C1orf21: variants seen among roughly 807,000 people sequenced by gnomAD.
C1orf21 encodes the protein chromosome 1 open reading frame 21.
A neutral mutation model predicts 18.7 loss-of-function variants in C1orf21; 3 were observed. The ratio of observed to expected loss-of-function variants is 0.16; its 90% confidence interval spans 0.07 to 0.42. C1orf21 has a LOEUF of 0.42. C1orf21 is among the 10% of genes least tolerant of loss of function. C1orf21 has a pLI of 0.99. For missense variants in C1orf21, 104 were observed against 143.6 expected (o/e 0.72, Z 1.41); for synonymous variants, 41 against 46.4 (o/e 0.88, Z 0.47).
intron 3 of C1orf21, among the ~76,000 whole-genome samples, chr1:184,550,941 A>T (rs1360263396): frequency 2.0e-5 from 3 of 152,346 alleles, no homozygotes; most frequent in Admixed American, 2.0e-4. Context: ...ATAAAAAAGA[A>T]TTTTTTGATA....
In C1orf21 at chr1:184,624,388, T is replaced by C. The variant is rs1360474846; in HGVS notation, c.*4832T>C. 2.0e-5 allele frequency: 3 copies of C among 152,526 alleles called. No homozygotes were observed. The highest frequency in any genetic ancestry group is 4.4e-5 in the Non-Finnish European group (3 of 68,048). The allele number at this position is 152,526 out of a possible 1,614,324, so 9.4% of individuals were successfully genotyped here. The stretch of plus-strand genomic sequence containing the variant: ...CACGTTTCTCTCCTTGGAATCCTTC[T>C]AGCATCTGGAAAAGGAACCTGGTAT... On this transcript the variant is annotated 3_prime_UTR_variant, in exon 6 of 6. Transcript: ENST00000235307.
At chr1:184,436,403 C>T (rs1381221871) in intron 1 of C1orf21, among the ~76,000 whole-genome samples, 1 of 151,918 alleles carries the variant, frequency 6.6e-6, no homozygotes, top group Admixed American at 6.6e-5. Context: ...GACGGTGTAC[C>T]TGCAAAGGGT....
intron 3 of C1orf21, among the ~76,000 whole-genome samples, chr1:184,581,063 C>T (rs1466056407): frequency 1.3e-5 from 2 of 152,140 alleles, no homozygotes; most frequent in African/African-American, 2.4e-5. Context: ...TAACCCAAGT[C>T]GCTGGGTGAT....
chr1:184,480,828 G>T (rs2101991984), intron 2 of C1orf21, among the ~76,000 whole-genome samples: 1 of 152,284 alleles, frequency 6.6e-6, no homozygotes, highest in East Asian at 1.9e-4. Context: ...TTGGGGGTCT[G>T]CGTGACTCGC....
At chr1:184,507,502 A>G (rs1295307546) in intron 2 of C1orf21, 86 bp from the exon 3 acceptor site, 253 of 1,158,328 alleles carry the variant, frequency 2.2e-4, no homozygotes, top group Non-Finnish European at 3.0e-4. Context: ...GGGTCTAGCA[A>G]ATTACACTAT....
intron 3 of C1orf21, among the ~76,000 whole-genome samples, chr1:184,542,331 G>C (rs1361136005): frequency 6.6e-6 from 1 of 152,094 alleles, no homozygotes; most frequent in Non-Finnish European, 1.5e-5. Context: ...TTAGAGATGA[G>C]GAAAACTTAA....
intron 1 of C1orf21, among the ~76,000 whole-genome samples, chr1:184,404,298 A>G (rs1011659590): frequency 1.3e-5 from 2 of 152,210 alleles, no homozygotes; most frequent in Non-Finnish European, 1.5e-5. Context: ...TCCTTAGTCC[A>G]TTTTGTGCTG....
At chr1:184,569,554 A>C (rs1659080495) in intron 3 of C1orf21, among the ~76,000 whole-genome samples, 2 of 152,190 alleles carry the variant, frequency 1.3e-5, no homozygotes, top group Admixed American at 6.5e-5. Context: ...AATTTGGAGG[A>C]AAAAATAAAA....
At chr1:184,563,468 A>T (rs930806390) in intron 3 of C1orf21, among the ~76,000 whole-genome samples, 2 of 152,192 alleles carry the variant, frequency 1.3e-5, no homozygotes, top group South Asian at 4.1e-4. Flanking sequence ...AACTCTAAAA[A>T]TACCAAATGG....
intron 1 of C1orf21, among the ~76,000 whole-genome samples, chr1:184,416,183 T>C (rs1056130400): frequency 6.6e-6 from 1 of 151,834 alleles, no homozygotes; most frequent in Non-Finnish European, 1.5e-5. Flanking sequence ...TCCATAAATG[T>C]TTTTTTTGGA....
At chr1:184,452,729 T>G (rs1571364971) in intron 1 of C1orf21, among the ~76,000 whole-genome samples, 1 of 152,274 alleles carries the variant, frequency 6.6e-6, no homozygotes, top group East Asian at 1.9e-4. Context: ...TTACACAAAA[T>G]TGTTGTAATT....
intron 2 of C1orf21, among the ~76,000 whole-genome samples, chr1:184,493,730 G>A (rs1657850008): frequency 6.6e-6 from 1 of 152,092 alleles, no homozygotes; most frequent in South Asian, 2.1e-4. Flanking sequence ...TAACCTTTTA[G>A]TCTTCATTGC....
At chr1:184,509,233 G>C (rs903463607) in intron 3 of C1orf21, among the ~76,000 whole-genome samples, 3 of 152,068 alleles carry the variant, frequency 2.0e-5, no homozygotes, top group Non-Finnish European at 2.9e-5. Flanking sequence ...TCATATTTAG[G>C]ACCAGTATAA....
intron 2 of C1orf21, among the ~76,000 whole-genome samples, chr1:184,494,505 G>A (rs896384901): frequency 4.6e-5 from 7 of 152,194 alleles, no homozygotes; most frequent in South Asian, 2.1e-4. Context: ...AGAGATGTTG[G>A]TGGTCTGGAT....
chr1:184,518,940 C>A lies in C1orf21; in HGVS notation c.189+11258C>A, dbSNP rs147594249. On this transcript the variant is annotated intron_variant, in intron 3 of 5. Coordinates refer to ENST00000235307, the MANE Select transcript of C1orf21 (RefSeq NM_030806.4). Reference sequence around the variant, plus strand: ...ATTTCAAGCAGAAGGAATAGTGTCACCCCGGCATGGAGACGTGGCATGAAT... The same window carrying A: ...ATTTCAAGCAGAAGGAATAGTGTCAACCCGGCATGGAGACGTGGCATGAAT... Among the ~76,000 whole-genome samples, 268 of 152,062 alleles carry A rather than the reference C, an allele frequency of 1.8e-3. 2 individuals carry two copies. Among genetic ancestry groups the A allele is most frequent in the Middle Eastern group, 6.8e-3 (2 of 294 alleles).
At chr1:184,567,472 G>T (rs1659050440) in intron 3 of C1orf21, 1 of 541,460 alleles carries the variant, frequency 1.8e-6, no homozygotes, top group Middle Eastern at 4.5e-4. Flanking sequence ...CTGGTGCAGA[G>T]ATGCTGTATT....
intron 1 of C1orf21, among the ~76,000 whole-genome samples, chr1:184,455,013 A>G (rs1207993975): frequency 6.6e-6 from 1 of 152,152 alleles, no homozygotes; most frequent in Admixed American, 6.6e-5. Flanking sequence ...CACATGTTGC[A>G]TGTGAAAAGA....
intron 1 of C1orf21, among the ~76,000 whole-genome samples, chr1:184,449,441 G>A (rs962490758): frequency 2.0e-5 from 3 of 152,088 alleles, no homozygotes; most frequent in African/African-American, 7.2e-5. Flanking sequence ...TCTTAATCCA[G>A]CCTATCATTG....
At chr1:184,608,638 C>T (rs1157027404) in intron 5 of C1orf21, among the ~76,000 whole-genome samples, 2 of 152,166 alleles carry the variant, frequency 1.3e-5, no homozygotes, top group African/African-American at 2.4e-5. Flanking sequence ...ATAGTACCCA[C>T]GGATCAGTAG....
Sources: gnomAD v4.1 joint callset for allele counts (sites outside exome capture counted in the v4.1 genomes callset) on GRCh38, gnomAD v4.1.1 for gene constraint, MANE v1.5 for transcripts, NCBI Gene and HGNC (gene_info 2026-07-23, HGNC 2026-07-21) for gene names.